Variants in BICRAL observed in about 807,000 individuals in gnomAD.
BICRAL encodes the protein BRD4-interacting chromatin-remodeling complex-associated protein-like.
In BICRAL, 8 loss-of-function variants were observed where a neutral mutation model predicts 91.8. The observed-to-expected ratio is 0.09, with a 90% CI of 0.05 to 0.16. The LOEUF (loss-of-function observed/expected upper bound fraction) is 0.16. Ranked by LOEUF, BICRAL falls within the 10% of genes least tolerant of loss-of-function variation. The probability of loss-of-function intolerance (pLI) is 1.00; values close to 1 mark genes in which losing one functional copy is unlikely to be tolerated. For missense variants in BICRAL, 1,038 were observed against 1,310.9 expected (o/e 0.79, Z 3.21); for synonymous variants, 445 against 491.1 (o/e 0.91, Z 1.24).
intron 1 of BICRAL, among the ~76,000 whole-genome samples, chr6:42,800,041 G>A (rs902092584): frequency 6.6e-6 from 1 of 151,674 alleles, no homozygotes; most frequent in South Asian, 2.1e-4. Flanking sequence ...TACCACATTC[G>A]GGTAATTTTT....
intron 8 of BICRAL, 149 bp from the exon 9 acceptor site, chr6:42,855,707 T>G: frequency 1.6e-6 from 1 of 611,264 alleles, no homozygotes; most frequent in South Asian, 2.2e-5. Context: ...CTGGTTTTTT[T>G]TTTTTTATTT....
At chr6:42,824,534 G>A (rs1401011720) in intron 5 of BICRAL, among the ~76,000 whole-genome samples, 1 of 152,094 alleles carries the variant, frequency 6.6e-6, no homozygotes, top group African/African-American at 2.4e-5. Context: ...AGTAGAGACT[G>A]CGTTTCTCCA....
chr6:42,765,422 G>A (rs1431550293), intron 1 of BICRAL, among the ~76,000 whole-genome samples: 1 of 152,146 alleles, frequency 6.6e-6, no homozygotes, highest in Non-Finnish European at 1.5e-5. Context: ...GCAAATTCAA[G>A]TACATCCTAG....
At chr6:42,850,217 T>C (rs550349923) in intron 6 of BICRAL, among the ~76,000 whole-genome samples, 1 of 151,874 alleles carries the variant, frequency 6.6e-6, no homozygotes, top group South Asian at 2.1e-4. Context: ...ATAGATAGTA[T>C]AAATAATATA....
intron 6 of BICRAL, among the ~76,000 whole-genome samples, chr6:42,849,951 C>T (rs1004116884): frequency 3.9e-5 from 6 of 151,924 alleles, no homozygotes; most frequent in South Asian, 2.1e-4. Flanking sequence ...GCAAGAGAAT[C>T]GCTTGAACCT....
At chr6:42,832,725 A>T (rs142670542) in intron 6 of BICRAL, among the ~76,000 whole-genome samples, 60 of 151,710 alleles carry the variant, frequency 4.0e-4, no homozygotes, top group Admixed American at 1.1e-3. Context: ...TCTCTCTCTC[A>T]TATACAAACA....
intron 2 of BICRAL, among the ~76,000 whole-genome samples, chr6:42,816,111 C>A (rs1763987492): frequency 6.6e-6 from 1 of 150,810 alleles, no homozygotes; most frequent in African/African-American, 2.4e-5. Context: ...GTAATCCCAG[C>A]ACTTTAGGAG....
intron 1 of BICRAL, among the ~76,000 whole-genome samples, chr6:42,767,581 T>C (rs973559559): frequency 6.6e-6 from 1 of 152,220 alleles, no homozygotes; most frequent in Non-Finnish European, 1.5e-5. Flanking sequence ...TGGCTTGATA[T>C]GGTAAAGACG....
chr6:42,790,632 T>G (rs1763244784), intron 1 of BICRAL, among the ~76,000 whole-genome samples: 1 of 150,530 alleles, frequency 6.6e-6, no homozygotes, highest in Non-Finnish European at 1.5e-5. Flanking sequence ...AACCGTAAAG[T>G]GAGATTAGAG....
intron 5 of BICRAL, among the ~76,000 whole-genome samples, chr6:42,827,231 A>G (rs539746476): frequency 3.9e-5 from 6 of 152,348 alleles, no homozygotes; most frequent in East Asian, 1.9e-4. Context: ...TTCTTCACCT[A>G]TAAAATGGAA....
At chr6:42,854,666 C>T (rs1439776213) in intron 8 of BICRAL, among the ~76,000 whole-genome samples, 3 of 151,832 alleles carry the variant, frequency 2.0e-5, no homozygotes, top group African/African-American at 7.3e-5. Flanking sequence ...TACAGGCACG[C>T]ACCACCACGC....
At chr6:42,788,732 A>G (rs1249218384) in intron 1 of BICRAL, among the ~76,000 whole-genome samples, 3 of 152,204 alleles carry the variant, frequency 2.0e-5, no homozygotes, top group African/African-American at 7.2e-5. Flanking sequence ...GGGGTAGTGG[A>G]TAATTTCAGG....
intron 1 of BICRAL, among the ~76,000 whole-genome samples, chr6:42,783,067 C>T (rs1762971842): frequency 6.6e-6 from 1 of 151,596 alleles, no homozygotes; most frequent in African/African-American, 2.4e-5. Context: ...TGCGGGCGGC[C>T]GCGGCGAGGA....
rs1765711708 is a variant in BICRAL, at chr6:42,866,395, A to G, written c.*949A>G. On this transcript the variant is annotated 3_prime_UTR_variant, in exon 13 of 13. Transcript: ENST00000314073. ...TTTTATAATTGGATATAGTCAACAT[A>G]TAATGTATGTTTTTGTTTGTTGCTG... The G allele has an allele frequency of 5.5e-6, 1 of 180,530 alleles. No homozygotes were observed. Among genetic ancestry groups the G allele is most frequent in the African/African-American group, 2.4e-5 (1 of 42,086 alleles). 11.2% of individuals were successfully genotyped at this position (180,530 alleles called of 1,614,324 possible). A position where few individuals can be genotyped will look rare whatever the true frequency, so the allele number is the denominator to read the frequency against.
In BICRAL at chr6:42,857,249, G is replaced by C. The variant is rs1581637039; in HGVS notation, c.2254+13G>C. 2 of 1,607,596 alleles carry C rather than the reference G, an allele frequency of 1.2e-6. No homozygotes were observed. Among genetic ancestry groups the C allele is most frequent in the Non-Finnish European group, 1.7e-6 (2 of 1,175,934 alleles). ...GACTTGAGAAAAGGTAAGCAGGCTG[G>C]GACCCTAAGGCACCACTCTGATACC... is the stretch of plus-strand genomic sequence containing the variant. On this transcript the variant is annotated intron_variant, in intron 10 of 12. Transcript: ENST00000314073.
intron 1 of BICRAL, among the ~76,000 whole-genome samples, chr6:42,748,651 C>CAA (rs1470407932): frequency 2.0e-5 from 3 of 152,170 alleles, no homozygotes; most frequent in Admixed American, 2.0e-4. Context: ...GGGGCAGTTT[C>CAA]AAAGACTGAT....
intron 1 of BICRAL, among the ~76,000 whole-genome samples, chr6:42,761,525 A>G (rs1174317237): frequency 6.6e-6 from 1 of 152,222 alleles, no homozygotes; most frequent in East Asian, 1.9e-4. Flanking sequence ...AACCTCTCTG[A>G]GCTTGGTTTC....
At chr6:42,763,561 C>T (rs191831745) in intron 1 of BICRAL, among the ~76,000 whole-genome samples, 10 of 152,232 alleles carry the variant, frequency 6.6e-5, no homozygotes, top group Admixed American at 6.5e-4. Context: ...TGGCTCACAC[C>T]TGTAATTTCA....
chr6:42,782,941 C>T (rs944407211), intron 1 of BICRAL, among the ~76,000 whole-genome samples: 1 of 142,580 alleles, frequency 7.0e-6, no homozygotes, highest in South Asian at 2.6e-4. Flanking sequence ...ATCACATTTT[C>T]TTTCTTCTCG....
Sources: allele counts gnomAD v4.1 joint callset (sites outside exome capture counted in the v4.1 genomes callset), GRCh38; gene constraint gnomAD v4.1.1; transcripts MANE v1.5; gene names NCBI Gene and HGNC (gene_info 2026-07-23, HGNC 2026-07-21).